The following MMP26 variants were observed in gnomAD, a reference collection of about 807,000 sequenced individuals.
The protein encoded by MMP26 is matrix metalloproteinase-26.
Under a neutral mutation model 31.0 loss-of-function variants are expected in MMP26, and 33 were observed. That is an observed-to-expected ratio of 1.06 (90% CI 0.81 to 1.42). The LOEUF is 1.42. Among genes scored for constraint, MMP26 ranks in the 40% most tolerant of loss-of-function variants. The probability of loss-of-function intolerance (pLI) is 0.00; values close to 1 mark genes in which losing one functional copy is unlikely to be tolerated. For missense variants in MMP26, 347 were observed against 316.1 expected (o/e 1.10, Z -0.74); for synonymous variants, 122 against 114.9 (o/e 1.06, Z -0.40).
chr11:4,989,035 C>T (rs1169165618), intron 3 of MMP26, among the ~76,000 whole-genome samples: 1 of 152,146 alleles, frequency 6.6e-6, no homozygotes, highest in Non-Finnish European at 1.5e-5. Flanking sequence ...GAGCATTGCC[C>T]TTAAAGTATT....
At chr11:4,894,908 A>C (rs1259120775) in intron 2 of MMP26, among the ~76,000 whole-genome samples, 1 of 152,204 alleles carries the variant, frequency 6.6e-6, no homozygotes. Context: ...TAAACTTGAA[A>C]ATATATATTT....
intron 2 of MMP26, among the ~76,000 whole-genome samples, chr11:4,978,651 A>T (rs1846772242): frequency 6.6e-6 from 1 of 152,128 alleles, no homozygotes; most frequent in African/African-American, 2.4e-5. Context: ...ATGGATATTG[A>T]TTTAGTTTGC....
At chr11:4,920,240 G>C (rs1851163015) in intron 2 of MMP26, among the ~76,000 whole-genome samples, 1 of 152,074 alleles carries the variant, frequency 6.6e-6, no homozygotes, top group Non-Finnish European at 1.5e-5. Flanking sequence ...ACATTATTCA[G>C]AGACCTTTGC....
chr11:4,943,859 T>C, intron 2 of MMP26: 1 of 450,068 alleles, frequency 2.2e-6, no homozygotes, highest in Non-Finnish European at 4.5e-6. Context: ...ATTAAGACTG[T>C]CAAAAACCCC....
intron 2 of MMP26, among the ~76,000 whole-genome samples, chr11:4,856,517 GCTAA>G (rs1337591692): frequency 1.3e-5 from 2 of 152,156 alleles, no homozygotes; most frequent in Non-Finnish European, 2.9e-5. Context: ...AACAAGAAGA[GCTAA>G]CTGTCCTAAA....
At chr11:4,805,154 G>C (rs890779465) in intron 2 of MMP26, among the ~76,000 whole-genome samples, 1 of 152,146 alleles carries the variant, frequency 6.6e-6, no homozygotes, top group African/African-American at 2.4e-5. Context: ...CAATTTCTCA[G>C]AGTAGGAAGT....
At chr11:4,796,144 C>G (rs944479720) in intron 2 of MMP26, among the ~76,000 whole-genome samples, 1 of 152,168 alleles carries the variant, frequency 6.6e-6, no homozygotes, top group African/African-American at 2.4e-5. Context: ...TAGAGCCTGT[C>G]TGTTGCTCTA....
chr11:4,927,599 G>C (rs1186523140), intron 2 of MMP26, among the ~76,000 whole-genome samples: 1 of 152,102 alleles, frequency 6.6e-6, no homozygotes, highest in Non-Finnish European at 1.5e-5. Flanking sequence ...TGTTCTGACT[G>C]TTTTCTATGT....
At chr11:4,872,127 T>C (rs950193071) in intron 2 of MMP26, among the ~76,000 whole-genome samples, 2 of 152,162 alleles carry the variant, frequency 1.3e-5, no homozygotes, top group East Asian at 1.9e-4. Flanking sequence ...TTAAATGAGA[T>C]AGGACATGTA....
intron 2 of MMP26, chr11:4,907,351 A>T: frequency 4.4e-5 from 63 of 1,441,240 alleles, no homozygotes; most frequent in Non-Finnish European, 5.5e-5. Context: ...CCGGCTAACG[A>T]GCTCATATCT....
intron 2 of MMP26, among the ~76,000 whole-genome samples, chr11:4,840,934 A>G (rs1164603203): frequency 6.6e-6 from 1 of 152,168 alleles, no homozygotes; most frequent in Non-Finnish European, 1.5e-5. Flanking sequence ...GGAACTCAGA[A>G]CTACATCAGA....
intron 2 of MMP26, among the ~76,000 whole-genome samples, chr11:4,800,524 C>T (rs7940131): frequency 0.37 from 55,873 of 151,994 alleles, 11,347 homozygotes; most frequent in African/African-American, 0.51. Flanking sequence ...GGATGGACTA[C>T]CTCAAAATAC....
At chr11:4,835,852 G>A (rs1211602847) in intron 2 of MMP26, among the ~76,000 whole-genome samples, 1 of 152,048 alleles carries the variant, frequency 6.6e-6, no homozygotes, top group East Asian at 1.9e-4. Flanking sequence ...TTTAAATATA[G>A]TTACTGTTTT....
intron 2 of MMP26, among the ~76,000 whole-genome samples, chr11:4,852,353 G>A (rs1225609070): frequency 6.6e-6 from 1 of 152,008 alleles, no homozygotes; most frequent in African/African-American, 2.4e-5. Context: ...AATCGGAAAT[G>A]ACATTTATAT....
chr11:4,806,821 C>G (rs1560843), intron 2 of MMP26, among the ~76,000 whole-genome samples: 2 of 152,174 alleles, frequency 1.3e-5, no homozygotes, highest in Admixed American at 6.5e-5. Context: ...CACCTATATC[C>G]GGGGTCCACC....
intron 1 of MMP26, among the ~76,000 whole-genome samples, chr11:4,740,184 A>G (rs1442422237): frequency 6.9e-6 from 1 of 145,506 alleles, no homozygotes; most frequent in African/African-American, 2.7e-5. Flanking sequence ...TAAGATCCTT[A>G]TTCATCAGAT....
intron 1 of MMP26, among the ~76,000 whole-genome samples, chr11:4,738,938 G>A (rs1848277690): frequency 6.6e-6 from 1 of 151,792 alleles, no homozygotes; most frequent in Admixed American, 6.5e-5. Flanking sequence ...CTTGGTCAAT[G>A]GATTTAACCC....
intron 2 of MMP26, chr11:4,882,343 G>A: frequency 6.2e-7 from 1 of 1,613,890 alleles, no homozygotes; most frequent in African/African-American, 1.3e-5. Flanking sequence ...TGATAGGGCT[G>A]GTCATCTGCA....
intron 2 of MMP26, among the ~76,000 whole-genome samples, chr11:4,941,543 TG>T (rs1342740348): frequency 6.6e-6 from 1 of 152,208 alleles, no homozygotes; most frequent in Non-Finnish European, 1.5e-5. Flanking sequence ...TTTGTTAAAA[TG>T]AATATTTTGA....
Sources: allele counts gnomAD v4.1 joint callset (sites outside exome capture counted in the v4.1 genomes callset), GRCh38; gene constraint gnomAD v4.1.1; transcripts MANE v1.5; gene names NCBI Gene and HGNC (gene_info 2026-07-23, HGNC 2026-07-21).